The following DOCK1 variants were observed in gnomAD, a reference collection of about 807,000 sequenced individuals.
The protein encoded by DOCK1 is dedicator of cytokinesis protein 1.
Under a neutral mutation model 262.7 loss-of-function variants are expected in DOCK1, and 138 were observed. That is an observed-to-expected ratio of 0.53 (90% CI 0.46 to 0.61). DOCK1 has a LOEUF of 0.61. DOCK1 is among the 20% of genes least tolerant of loss of function. DOCK1 has a pLI of 0.00. For synonymous variants in DOCK1, 866 were observed against 867.4 expected (o/e 1.00, Z 0.03); for missense variants, 1,908 against 2,370.7 (o/e 0.80, Z 4.05).
intron 45 of DOCK1, among the ~76,000 whole-genome samples, chr10:127,418,989 A>G (rs566807431): frequency 6.6e-6 from 1 of 152,354 alleles, no homozygotes; most frequent in East Asian, 1.9e-4. Context: ...CACAGGGTGT[A>G]TCCTAGACCA....
rs1368979040 is a variant in DOCK1, at chr10:127,425,981, G to C, written c.4884G>C (p.Lys1628Asn). The change falls in exon 47 of 52, where the codon AAG (lysine) becomes AAC (asparagine). Residue 1628 changes from lysine to asparagine, a missense_variant. Physicochemically the swap from Lys to Asn is moderately conservative, Grantham distance 94. Coordinates refer to ENST00000623213, the MANE Select transcript of DOCK1 (RefSeq NM_001290223.2). ...CCTGTTTCAAACAGCTGAAGGAAAA[G>C]GTGGAGAAAGAGTACGGCGTCCGAA... Reference protein sequence around the residue: ...MEACFKQLKEKVEKEYGVRIM... With the variant: ...MEACFKQLKENVEKEYGVRIM... The C allele has an allele frequency of 2.5e-6, 4 of 1,614,004 alleles. No individual in the cohort carries two copies. Among genetic ancestry groups the C allele is most frequent in the Admixed American group, 3.3e-5 (2 of 60,024 alleles).
chr10:127,323,332 C>T (rs2062618251), intron 29 of DOCK1, among the ~76,000 whole-genome samples: 1 of 152,174 alleles, frequency 6.6e-6, no homozygotes, highest in Admixed American at 6.5e-5. Context: ...CCATGCCTCC[C>T]TCCAGCCTCT....
intron 2 of DOCK1, among the ~76,000 whole-genome samples, chr10:126,971,899 C>T (rs1337037492): frequency 1.3e-5 from 2 of 151,686 alleles, no homozygotes; most frequent in East Asian, 1.9e-4. Context: ...TATGGGATGC[C>T]GTCCAATGAA....
rs759016477 is a variant in DOCK1, at chr10:127,100,006, C to T, written c.2446-6225C>T. Among the ~76,000 whole-genome samples the T allele has an allele frequency of 6.6e-6, 1 of 152,096 alleles. No individual in the cohort carries two copies. Among genetic ancestry groups the T allele is most frequent in the Admixed American group, 6.5e-5 (1 of 15,268 alleles). On this transcript the variant is annotated intron_variant, in intron 23 of 51. Transcript: ENST00000623213. The surrounding 1 kb of genome is among the most constrained non-coding windows in gnomAD (Gnocchi z 5.5). ...CCCACCTGGGAAACTGGAAGAGGCT[C>T]GGCTTGGTGGGAGAGAGTCCTGCAG...
intron 33 of DOCK1, among the ~76,000 whole-genome samples, chr10:127,362,872 C>T (rs2064592918): frequency 1.4e-5 from 2 of 143,930 alleles, no homozygotes; most frequent in Non-Finnish European, 3.0e-5. Flanking sequence ...CCCACACACA[C>T]ACATACACAT....
Position 126,995,809 on chromosome 10 carries a change from C to T in DOCK1, c.474-939C>T, listed in dbSNP as rs1053649566. On this transcript the variant is annotated intron_variant, in intron 6 of 51. Transcript: ENST00000623213. The surrounding 1 kb of genome is among the most constrained non-coding windows in gnomAD (Gnocchi z 5.8). The stretch of plus-strand genomic sequence containing the variant: ...AGTTGCTTAACCTTATTGTAGATAA[C>T]GTCCATATGTTTGGTGTTCACATAC... Among the ~76,000 whole-genome samples, 5 of 152,186 alleles carry T rather than the reference C, an allele frequency of 3.3e-5. No homozygotes were observed. The highest frequency in any genetic ancestry group is 7.3e-5 in the Non-Finnish European group (5 of 68,030).
At chr10:127,050,734 T>A (rs1029851410) in intron 21 of DOCK1, among the ~76,000 whole-genome samples, 3 of 152,080 alleles carry the variant, frequency 2.0e-5, no homozygotes, top group Admixed American at 1.3e-4. Flanking sequence ...TTATGCCCAT[T>A]TATCCAACAG....
chr10:127,287,859 G>T (rs1266595708), intron 29 of DOCK1, among the ~76,000 whole-genome samples: 1 of 152,000 alleles, frequency 6.6e-6, no homozygotes, highest in Admixed American at 6.6e-5. Context: ...AATTGTTATG[G>T]CAGCCAATGA....
intron 29 of DOCK1, among the ~76,000 whole-genome samples, chr10:127,312,122 A>T (rs1468947481): frequency 6.6e-6 from 1 of 152,084 alleles, no homozygotes; most frequent in Admixed American, 6.6e-5. Flanking sequence ...TTTTGTTTTC[A>T]TGGCATTCTG....
chr10:127,358,850 C>T (rs2064271229), intron 32 of DOCK1, among the ~76,000 whole-genome samples: 1 of 152,106 alleles, frequency 6.6e-6, no homozygotes. Flanking sequence ...TTTAAACACC[C>T]ACAGGGAGGC....
At position 127,446,114 on chromosome 10, in the gene DOCK1, G is replaced by A. The variant is rs1206830054; in HGVS notation, c.5414-1280G>A. 6.6e-6 allele frequency among the ~76,000 whole-genome samples: 1 copy of A among 152,138 alleles called. No homozygotes were observed. The highest frequency in any genetic ancestry group is 1.9e-4 in the East Asian group (1 of 5,180). On this transcript the variant is annotated intron_variant, in intron 50 of 51. Coordinates refer to ENST00000623213, the MANE Select transcript of DOCK1 (RefSeq NM_001290223.2). The surrounding 1 kb of genome is among the most constrained non-coding windows in gnomAD (Gnocchi z 4.4). ...AAAATACAATAATTAGCTGGGTGTG[G>A]TGGTGCGTGCCTATAATCTCAGCTA...
intron 1 of DOCK1, among the ~76,000 whole-genome samples, chr10:126,962,912 A>G (rs1407605236): frequency 1.3e-5 from 2 of 151,958 alleles, no homozygotes; most frequent in East Asian, 1.9e-4. Context: ...TGTGAATGAT[A>G]TAATAATCCA....
intron 29 of DOCK1, among the ~76,000 whole-genome samples, chr10:127,327,204 G>A (rs748431885): frequency 1.3e-5 from 2 of 152,214 alleles, no homozygotes; most frequent in Non-Finnish European, 2.9e-5. Flanking sequence ...AAGTTTTGAA[G>A]CCAGGAATTG....
chr10:127,010,446 G>A (rs1346901888), intron 11 of DOCK1, among the ~76,000 whole-genome samples: 2 of 152,224 alleles, frequency 1.3e-5, no homozygotes, highest in Non-Finnish European at 2.9e-5. Flanking sequence ...CAGCCTGGGC[G>A]ACAGAGGGAG....
chr10:127,237,363 GAA>G (rs60864459), intron 27 of DOCK1, among the ~76,000 whole-genome samples: 8 of 134,758 alleles, frequency 5.9e-5, no homozygotes, highest in African/African-American at 1.9e-4. Context: ...TCCATCTCAG[GAA>G]AAAAAAAAAA....
Position 126,928,917 on chromosome 10 carries a change from C to T in DOCK1, c.46+23354C>T, listed in dbSNP as rs1011162295. Among the ~76,000 whole-genome samples, 1,105 of 152,364 alleles carry T rather than the reference C, an allele frequency of 7.3e-3. 6 individuals are homozygous for T. Among genetic ancestry groups the T allele is most frequent in the Middle Eastern group, 0.034 (10 of 294 alleles). On this transcript the variant is annotated intron_variant, in intron 1 of 51. Transcript: ENST00000623213. ...AGGAGGCTTGATCTGTTGGTCTAGA[C>T]TGGTATTACAGTTAAGTATTTAATC... is the stretch of plus-strand genomic sequence containing the variant.
intron 27 of DOCK1, among the ~76,000 whole-genome samples, chr10:127,204,615 G>A (rs916015515): frequency 3.9e-5 from 6 of 152,126 alleles, no homozygotes; most frequent in African/African-American, 1.4e-4. Context: ...AGAGATGGGC[G>A]TTTGGAAACT....
chr10:127,389,580 C>A (rs1017063783), intron 38 of DOCK1, among the ~76,000 whole-genome samples: 6 of 152,184 alleles, frequency 3.9e-5, no homozygotes, highest in African/African-American at 1.4e-4. Flanking sequence ...ATCTGGGTCC[C>A]TGCCCAAATC....
chr10:127,300,147 C>T (rs2148374), intron 29 of DOCK1, among the ~76,000 whole-genome samples: 23,424 of 151,996 alleles, frequency 0.15, 2,095 homozygotes, highest in African/African-American at 0.24. Flanking sequence ...TGGGAAGTTC[C>T]GCAGGCCAGC....
Sources: gnomAD v4.1 joint callset for allele counts (sites outside exome capture counted in the v4.1 genomes callset) on GRCh38, gnomAD v4.1.1 for gene constraint, Gnocchi (gnomAD v3.1) non-coding constraint, MANE v1.5 for transcripts, NCBI Gene and HGNC (gene_info 2026-07-23, HGNC 2026-07-21) for gene names.